The following GALNT18 variants were observed in gnomAD, a reference collection of about 807,000 sequenced individuals.
The protein encoded by GALNT18 is GalNAc-transferase 18.
Under a neutral mutation model 69.5 loss-of-function variants are expected in GALNT18, and 44 were observed. The ratio of observed to expected loss-of-function variants is 0.63; its 90% confidence interval spans 0.50 to 0.81. The LOEUF is 0.81. Ranked by LOEUF, GALNT18 falls within the 40% of genes least tolerant of loss-of-function variation. The pLI is 0.00. For missense variants in GALNT18, 715 were observed against 810.0 expected, an observed-to-expected ratio of 0.88 and a Z score of 1.42; for synonymous variants, 364 against 318.2, an observed-to-expected ratio of 1.14 and a Z score of -1.53.
intron 1 of GALNT18, among the ~76,000 whole-genome samples, chr11:11,455,432 G>C (rs897983992): frequency 2.0e-5 from 3 of 152,084 alleles, no homozygotes; most frequent in African/African-American, 4.8e-5. Context: ...GGGGCAGAGG[G>C]AAGGCTTCCT....
At chr11:11,316,488 G>A (rs1366302995) in intron 9 of GALNT18, among the ~76,000 whole-genome samples, 4 of 152,178 alleles carry the variant, frequency 2.6e-5, no homozygotes, top group African/African-American at 4.8e-5. Context: ...TGATGGCTTC[G>A]TGGAATTCAT....
chr11:11,496,093 G>T lies in GALNT18; in HGVS notation c.236-47157C>A, dbSNP rs1396008594. Among the ~76,000 whole-genome samples, 1 of 152,218 alleles carries T rather than the reference G, an allele frequency of 6.6e-6. No individual in the cohort carries two copies. The highest frequency in any genetic ancestry group is 1.5e-5 in the Non-Finnish European group (1 of 68,032). On this transcript the variant is annotated intron_variant, in intron 1 of 10. Coordinates refer to ENST00000227756, the MANE Select transcript of GALNT18 (RefSeq NM_198516.3). The surrounding 1 kb of genome is among the most constrained non-coding windows in gnomAD (Gnocchi z 4.0). ...AACTTGTCTAAGGACACACAGCAAA[G>T]AATAAGAGCCAGGAGCTTCTTGTGT...
intron 3 of GALNT18, among the ~76,000 whole-genome samples, chr11:11,429,897 T>A (rs1855227376): frequency 6.6e-6 from 1 of 152,154 alleles, no homozygotes. Context: ...CCCAACAATT[T>A]GGGAGGGCGA....
chr11:11,278,526 ATTG>A lies in GALNT18; in HGVS notation c.1678-7239_1678-7237del, dbSNP rs1433905122. 6.6e-5 allele frequency among the ~76,000 whole-genome samples: 10 copies of A among 152,184 alleles called. No individual in the cohort carries two copies. The East Asian group carries it at 1.7e-3, about 26-fold the overall frequency. ...CTTATAGTATAAAAAAAAAAGGGAG[ATTG>A]TTATTTGCAACAACATGGATAGAAC... On this transcript the variant is annotated intron_variant, in intron 10 of 10. Coordinates refer to ENST00000227756, the MANE Select transcript of GALNT18 (RefSeq NM_198516.3).
rs1227394470 is a variant in GALNT18 at position 11,387,747 on chromosome 11, C to G, written c.596-8483G>C. The stretch of plus-strand genomic sequence containing the variant: ...AAAATTAAATAAAGACAGATGTCAC[C>G]GTCCGCACCTCCATGGAGAATCTGG... On this transcript the variant is annotated intron_variant, in intron 3 of 10. Transcript: ENST00000227756. This position sits in a 1 kb window ranked among gnomAD's most constrained non-coding sequence, Gnocchi z 4.6. 6.6e-6 allele frequency among the ~76,000 whole-genome samples: 1 copy of G among 152,194 alleles called. No individual in the cohort carries two copies. Among genetic ancestry groups the G allele is most frequent in the Non-Finnish European group, 1.5e-5 (1 of 68,042 alleles).
intron 1 of GALNT18, among the ~76,000 whole-genome samples, chr11:11,468,459 T>C (rs1856199136): frequency 2.0e-5 from 3 of 152,186 alleles, no homozygotes; most frequent in African/African-American, 7.2e-5. Context: ...TGTTTTAAGA[T>C]TCTGAGTCTT....
chr11:11,460,943 A>G (rs1237806751), intron 1 of GALNT18, among the ~76,000 whole-genome samples: 1 of 152,250 alleles, frequency 6.6e-6, no homozygotes, highest in African/African-American at 2.4e-5. Context: ...AGATTAAGAC[A>G]GCCAGGGATA....
rs368334385 is a variant in GALNT18, at chr11:11,553,813, AG to A, written c.235+67545del. Among the ~76,000 whole-genome samples, 690 of 152,228 alleles carry A rather than the reference AG, an allele frequency of 4.5e-3. 8 individuals are homozygous for A. The highest frequency in any genetic ancestry group is 0.016 in the African/African-American group (666 of 41,542). ...CCAAGTCGCCCGCAGCTGGGTGCCA[AG>A]GTCGCCTGCCATGTCCCTGATTGCA... On this transcript the variant is annotated intron_variant, in intron 1 of 10. Coordinates refer to ENST00000227756, the MANE Select transcript of GALNT18 (RefSeq NM_198516.3).
chr11:11,342,554 C>T (rs951084633), intron 6 of GALNT18, among the ~76,000 whole-genome samples: 6 of 152,226 alleles, frequency 3.9e-5, no homozygotes, highest in African/African-American at 1.4e-4. Context: ...CCCCTATAGG[C>T]TCTAGGCTGT....
At chr11:11,302,786 G>C (rs1849520465) in intron 9 of GALNT18, among the ~76,000 whole-genome samples, 1 of 152,218 alleles carries the variant, frequency 6.6e-6, no homozygotes. Flanking sequence ...GATATCTCAA[G>C]TGCTCTGGAG....
intron 3 of GALNT18, among the ~76,000 whole-genome samples, chr11:11,390,963 T>C (rs1399958506): frequency 6.6e-6 from 1 of 152,218 alleles, no homozygotes; most frequent in Non-Finnish European, 1.5e-5. Context: ...CACAAGACAA[T>C]GCCTGGCATG....
chr11:11,451,557 A>C (rs1855800736), intron 1 of GALNT18, among the ~76,000 whole-genome samples: 1 of 152,180 alleles, frequency 6.6e-6, no homozygotes, highest in African/African-American at 2.4e-5. Context: ...CTACAGCAGG[A>C]AAGGTGTAAT....
chr11:11,429,170 G>T (rs1212191664), intron 3 of GALNT18, among the ~76,000 whole-genome samples: 4 of 152,122 alleles, frequency 2.6e-5, no homozygotes, highest in African/African-American at 4.8e-5. Flanking sequence ...AGTGGCTTCT[G>T]CTCAGGTTCC....
rs1259814342 is a variant in GALNT18 at position 11,500,849 on chromosome 11, G to C, written c.236-51913C>G. Among the ~76,000 whole-genome samples the C allele has an allele frequency of 6.6e-6, 1 of 152,200 alleles. No homozygotes were observed. The highest frequency in any genetic ancestry group is 2.4e-5 in the African/African-American group (1 of 41,448). On this transcript the variant is annotated intron_variant, in intron 1 of 10. Coordinates refer to ENST00000227756, the MANE Select transcript of GALNT18 (RefSeq NM_198516.3). The surrounding 1 kb of genome is among the most constrained non-coding windows in gnomAD (Gnocchi z 5.0). ...CAGCACCAGGCTCTCCCCAAACCTGGGAGTTCCTTTCCTTCCCTGTCTTTT... is the reference window on the plus strand; with the variant it reads ...CAGCACCAGGCTCTCCCCAAACCTGCGAGTTCCTTTCCTTCCCTGTCTTTT...
rs1856167100 is a variant in GALNT18, at chr11:11,466,946, A to C, written c.236-18010T>G. 2.6e-5 allele frequency among the ~76,000 whole-genome samples: 4 copies of C among 152,214 alleles called. No individual in the cohort carries two copies. The South Asian group carries it at 8.3e-4, about 32-fold the overall frequency. ...ACTTGGCTTATGTGCAATTTCTAGA[A>C]GGCTCAGAGTAGAAAATCTTCTTAC... On this transcript the variant is annotated intron_variant, in intron 1 of 10. Coordinates refer to ENST00000227756, the MANE Select transcript of GALNT18 (RefSeq NM_198516.3).
intron 3 of GALNT18, among the ~76,000 whole-genome samples, chr11:11,385,882 T>C (rs1400155732): frequency 6.6e-6 from 1 of 152,102 alleles, no homozygotes; most frequent in Non-Finnish European, 1.5e-5. Context: ...TGGGATAGGA[T>C]CCTAATCCAG....
At chr11:11,352,605 C>T (rs1053426341) in intron 6 of GALNT18, 28 of 1,614,130 alleles carry the variant, frequency 1.7e-5, no homozygotes, top group Middle Eastern at 1.6e-4. Context: ...GTCTATTAGT[C>T]GTAGCTTTCT....
At chr11:11,417,373 A>C (rs1182590457) in intron 3 of GALNT18, among the ~76,000 whole-genome samples, 4 of 152,188 alleles carry the variant, frequency 2.6e-5, no homozygotes, top group Non-Finnish European at 4.4e-5. Context: ...GAGAGAAAGG[A>C]GGAAAGAGTG....
In GALNT18 at chr11:11,459,223, G is replaced by T. The variant is rs762584763; in HGVS notation, c.236-10287C>A. On this transcript the variant is annotated intron_variant, in intron 1 of 10. Coordinates refer to ENST00000227756, the MANE Select transcript of GALNT18 (RefSeq NM_198516.3). This position sits in a 1 kb window ranked among gnomAD's most constrained non-coding sequence, Gnocchi z 5.0. ...AGTTGCATTCAAACATGAGCCGAAGGTCTTTTGCCAATGGTCCCCACAATT... is the reference window on the plus strand; with the variant it reads ...AGTTGCATTCAAACATGAGCCGAAGTTCTTTTGCCAATGGTCCCCACAATT... 6.6e-6 allele frequency among the ~76,000 whole-genome samples: 1 copy of T among 152,110 alleles called. No homozygotes were observed. Among genetic ancestry groups the T allele is most frequent in the Non-Finnish European group, 1.5e-5 (1 of 68,036 alleles).
Sources: gnomAD v4.1 joint callset for allele counts (sites outside exome capture counted in the v4.1 genomes callset) on GRCh38, gnomAD v4.1.1 for gene constraint, Gnocchi (gnomAD v3.1) non-coding constraint, MANE v1.5 for transcripts, NCBI Gene and HGNC (gene_info 2026-07-23, HGNC 2026-07-21) for gene names.